The following RBFOX1 variants were observed in gnomAD, a reference collection of about 807,000 sequenced individuals.
RBFOX1 encodes RNA binding fox-1 homolog 1, also known as RNA binding protein fox-1 homolog 1.
In RBFOX1, 8 loss-of-function variants were observed where a neutral mutation model predicts 57.7. That is an observed-to-expected ratio of 0.14 (90% CI 0.08 to 0.25). The LOEUF (loss-of-function observed/expected upper bound fraction) is 0.25, where lower values mean the gene tolerates loss of function less well. RBFOX1 is among the 10% of genes least tolerant of loss of function. The probability of loss-of-function intolerance (pLI) is 1.00; values close to 1 mark genes in which losing one functional copy is unlikely to be tolerated. For synonymous variants in RBFOX1, 326 were observed against 222.4 expected, an observed-to-expected ratio of 1.47 and a Z score of -4.15; for missense variants, 611 against 548.5, an observed-to-expected ratio of 1.11 and a Z score of -1.14.
intron 3 of RBFOX1, among the ~76,000 whole-genome samples, chr16:5,806,456 T>C (rs895106132): frequency 2.0e-5 from 3 of 152,140 alleles, no homozygotes; most frequent in Non-Finnish European, 4.4e-5. Flanking sequence ...CCTCCAGCCC[T>C]GTTACAAGGG....
At chr16:6,313,371 C>T (rs1053955380) in intron 1 of RBFOX1, among the ~76,000 whole-genome samples, 1 of 152,142 alleles carries the variant, frequency 6.6e-6, no homozygotes, top group African/African-American at 2.4e-5. Context: ...TGCATGGGGG[C>T]AAGGGGTGCA....
chr16:7,347,223 G>A (rs1603626335), intron 4 of RBFOX1, among the ~76,000 whole-genome samples: 1 of 152,272 alleles, frequency 6.6e-6, no homozygotes, highest in East Asian at 1.9e-4. Flanking sequence ...CTGTTTTCAT[G>A]CTGCTGATAA....
intron 4 of RBFOX1, among the ~76,000 whole-genome samples, chr16:7,476,279 G>C (rs1419276827): frequency 1.3e-5 from 2 of 152,194 alleles, no homozygotes; most frequent in Non-Finnish European, 1.5e-5. Flanking sequence ...GGCCTAGTCA[G>C]AATATTTGTT....
chr16:5,472,912 C>G (rs1231343078), intron 2 of RBFOX1, among the ~76,000 whole-genome samples: 1 of 152,172 alleles, frequency 6.6e-6, no homozygotes, highest in Non-Finnish European at 1.5e-5. Flanking sequence ...CCAGCAGAAA[C>G]ACATGGAATT....
chr16:6,004,829 C>G (rs1378650402), intron 4 of RBFOX1, among the ~76,000 whole-genome samples: 1 of 152,084 alleles, frequency 6.6e-6, no homozygotes, highest in Non-Finnish European at 1.5e-5. Flanking sequence ...TTTGAATGTC[C>G]TTTCTGAGAA....
rs544631968 is a variant in RBFOX1, at chr16:7,056,561, A to C, written c.27+4463A>C. On this transcript the variant is annotated intron_variant, in intron 4 of 15. Coordinates refer to ENST00000550418, the MANE Select transcript of RBFOX1 (RefSeq NM_018723.4). ...CAGCATCTGCACCAACAGATGGACA[A>C]ATAAACAACTAAGAGAGAAATAAAA... is the stretch of plus-strand genomic sequence containing the variant. 2.0e-5 allele frequency among the ~76,000 whole-genome samples: 3 copies of C among 152,316 alleles called. No homozygotes were observed. In the East Asian group the frequency reaches 5.8e-4, roughly 29 times the overall value.
Position 7,449,819 on chromosome 16 carries a change from C to A in RBFOX1, c.28-68328C>A, listed in dbSNP as rs111984439. Among the ~76,000 whole-genome samples the A allele has an allele frequency of 4.0e-3, 608 of 151,462 alleles. 3 individuals carry two copies. Among genetic ancestry groups the A allele is most frequent in the African/African-American group, 0.013 (550 of 41,288 alleles). On this transcript the variant is annotated intron_variant, in intron 4 of 15. Transcript: ENST00000550418. ...CTGCTTCTGTGACATAAAGAGAACA[C>A]CTTCACAGGGTAAAGTGTTCTTCCC... is the stretch of plus-strand genomic sequence containing the variant.
intron 1 of RBFOX1, among the ~76,000 whole-genome samples, chr16:5,323,429 C>G (rs1485619880): frequency 1.3e-5 from 2 of 152,212 alleles, no homozygotes; most frequent in Non-Finnish European, 2.9e-5. Flanking sequence ...TGCGGTGACC[C>G]TGGCCTCCAG....
At chr16:7,195,847 C>T (rs543643681) in intron 4 of RBFOX1, among the ~76,000 whole-genome samples, 1 of 152,098 alleles carries the variant, frequency 6.6e-6, no homozygotes. Context: ...ACCACTGTGC[C>T]CAGCTCGATG....
intron 4 of RBFOX1, among the ~76,000 whole-genome samples, chr16:7,250,100 T>C (rs1005950054): frequency 1.3e-5 from 2 of 152,236 alleles, no homozygotes; most frequent in African/African-American, 4.8e-5. Context: ...ACCAGTTGTG[T>C]TTCCTCTGGG....
intron 14 of RBFOX1, among the ~76,000 whole-genome samples, chr16:7,686,521 C>G (rs1026784391): frequency 3.9e-5 from 6 of 152,068 alleles, no homozygotes; most frequent in African/African-American, 1.4e-4. Flanking sequence ...ATTGCCTGCC[C>G]TCTTCTTTGG....
chr16:5,354,927 G>C (rs546199220), intron 1 of RBFOX1, among the ~76,000 whole-genome samples: 2 of 152,114 alleles, frequency 1.3e-5, no homozygotes, highest in South Asian at 2.1e-4. Flanking sequence ...AGCTAAGGGC[G>C]CCTGAGGGTG....
At chr16:6,360,731 C>T (rs1444334725) in intron 2 of RBFOX1, among the ~76,000 whole-genome samples, 2 of 152,114 alleles carry the variant, frequency 1.3e-5, no homozygotes, top group Non-Finnish European at 1.5e-5. Flanking sequence ...AATGTATGCT[C>T]GAATGTTAAG....
chr16:6,883,107 G>C (rs2063296103), intron 3 of RBFOX1, among the ~76,000 whole-genome samples: 1 of 152,074 alleles, frequency 6.6e-6, no homozygotes, highest in South Asian at 2.1e-4. Flanking sequence ...AGTATGAATG[G>C]CTACAGTATA....
At chr16:6,944,042 G>T (rs927497888) in intron 3 of RBFOX1, among the ~76,000 whole-genome samples, 1 of 152,048 alleles carries the variant, frequency 6.6e-6, no homozygotes, top group African/African-American at 2.4e-5. Flanking sequence ...TATTTTAACA[G>T]GGACAACCAA....
At chr16:5,527,352 T>TC (rs1353475344) in intron 2 of RBFOX1, among the ~76,000 whole-genome samples, 1 of 152,276 alleles carries the variant, frequency 6.6e-6, no homozygotes, top group East Asian at 1.9e-4. Context: ...CGTAGACTCC[T>TC]CCCCCATACA....
intron 3 of RBFOX1, among the ~76,000 whole-genome samples, chr16:6,984,833 G>T (rs932708295): frequency 2.0e-5 from 3 of 152,020 alleles, no homozygotes; most frequent in Admixed American, 2.0e-4. Context: ...CAGAGATGGG[G>T]TTTCACCATA....
At chr16:6,266,157 G>A (rs993290937) in intron 1 of RBFOX1, among the ~76,000 whole-genome samples, 8 of 152,122 alleles carry the variant, frequency 5.3e-5, no homozygotes, top group African/African-American at 1.7e-4. Flanking sequence ...CTCCCACTGT[G>A]GAGAGATCAG....
intron 3 of RBFOX1, among the ~76,000 whole-genome samples, chr16:6,915,214 TCTC>T (rs1240550332): frequency 1.3e-5 from 2 of 152,132 alleles, no homozygotes; most frequent in Non-Finnish European, 2.9e-5. Flanking sequence ...ACTCCCTTGT[TCTC>T]CTAGCAGCTG....
Sources: allele counts gnomAD v4.1 joint callset (sites outside exome capture counted in the v4.1 genomes callset), GRCh38; gene constraint gnomAD v4.1.1; transcripts MANE v1.5; gene names NCBI Gene and HGNC (gene_info 2026-07-23, HGNC 2026-07-21).